Variants in FAM171B observed in about 807,000 individuals in gnomAD.
The protein encoded by FAM171B is protein FAM171B.
A neutral mutation model predicts 75.6 loss-of-function variants in FAM171B; 19 were observed. That is an observed-to-expected ratio of 0.25 (90% confidence interval 0.18 to 0.37). The LOEUF (loss-of-function observed/expected upper bound fraction) is 0.37. Among genes scored for constraint, FAM171B ranks in the 10% least tolerant of loss-of-function variants. The pLI is 1.00. For synonymous variants in FAM171B, 367 were observed against 361.7 expected (o/e 1.01, Z -0.17); for missense variants, 848 against 982.4 (o/e 0.86, Z 1.83).
Position 186,754,015 on chromosome 2 carries a change from G to A in FAM171B, c.978G>A (p.Gly326=). Residue 326 remains glycine (G), a synonymous_variant, in exon 6 of 8, where the codon GGG becomes GGA. Transcript: ENST00000304698. ...GGACATATGATGCACCACATTTGGG[G>A]TACTGGATAGCAGCTCCACTTCCAG... is the stretch of plus-strand genomic sequence containing the variant. ...LIWTYDAPHL[G]YWIAAPLPGT... 1 of 1,608,884 alleles carries A rather than the reference G, an allele frequency of 6.2e-7. No homozygotes were observed. The highest frequency in any genetic ancestry group is 8.5e-7 in the Non-Finnish European group (1 of 1,178,380).
Position 186,761,987 on chromosome 2 carries a change from T to A in FAM171B, c.1645T>A (p.Ser549Thr), listed in dbSNP as rs1200040455. The A allele has an allele frequency of 1.2e-6, 2 of 1,613,388 alleles. No individual in the cohort carries two copies. The highest frequency in any genetic ancestry group is 1.3e-5 in the African/African-American group (1 of 74,870). ...IAILQTSDLF[S>T]TPEQLHTAKS... ...CATCCTTCAAACATCTGACCTTTTCTCCACACCGGAACAATTACATACTGC... is the reference window on the plus strand; with the variant it reads ...CATCCTTCAAACATCTGACCTTTTCACCACACCGGAACAATTACATACTGC... The change falls in exon 8 of 8, where the codon TCC (serine) becomes ACC (threonine). Residue 549 changes from serine to threonine, a missense_variant. By Grantham distance (58) the Ser-to-Thr change is moderately conservative. Coordinates refer to ENST00000304698, the MANE Select transcript of FAM171B (RefSeq NM_177454.4).
intron 3 of FAM171B, 46 bp downstream of exon 3, chr2:186,743,621 G>A (rs767515720): frequency 5.1e-5 from 62 of 1,223,040 alleles, no homozygotes; most frequent in Admixed American, 1.4e-4. Context: ...AGTTATTGTC[G>A]TATAACTGTA....
At chr2:186,729,382 G>A (rs1690080184) in intron 1 of FAM171B, among the ~76,000 whole-genome samples, 1 of 152,024 alleles carries the variant, frequency 6.6e-6, no homozygotes, top group East Asian at 1.9e-4. Flanking sequence ...AGCACCTCCG[G>A]CTGAAAATCA....
At chr2:186,725,860 A>G (rs1185074145) in intron 1 of FAM171B, among the ~76,000 whole-genome samples, 3 of 152,238 alleles carry the variant, frequency 2.0e-5, no homozygotes, top group South Asian at 2.1e-4. Context: ...AAAACAAGTC[A>G]GGATGACAAA....
chr2:186,748,945 C>T (rs1690412001), intron 4 of FAM171B, among the ~76,000 whole-genome samples: 1 of 152,122 alleles, frequency 6.6e-6, no homozygotes, highest in Non-Finnish European at 1.5e-5. Context: ...TCACTAGATT[C>T]AGTGGGAAAG....
chr2:186,762,470 G>T lies in FAM171B; in HGVS notation c.2128G>T (p.Asp710Tyr). 2 of 1,613,570 alleles carry T rather than the reference G, an allele frequency of 1.2e-6. No homozygotes were observed. Among genetic ancestry groups the T allele is most frequent in the Non-Finnish European group, 1.7e-6 (2 of 1,179,762 alleles). The stretch of plus-strand genomic sequence containing the variant: ...TGACACCAGTCTGGACTCTGGGGTG[G>T]ACATGAATGAGCTTCACTCAAGTAG... ...SNDTSLDSGV[D>Y]MNELHSSRKL... The change falls in exon 8 of 8, where the codon GAC (aspartate) becomes TAC (tyrosine). Residue 710 changes from aspartate to tyrosine, a missense_variant. Coordinates refer to ENST00000304698, the MANE Select transcript of FAM171B (RefSeq NM_177454.4). This position sits in a 1 kb window ranked among gnomAD's most constrained non-coding sequence, Gnocchi z 4.0.
intron 1 of FAM171B, among the ~76,000 whole-genome samples, chr2:186,703,435 A>G (rs1439735349): frequency 3.9e-5 from 6 of 152,218 alleles, no homozygotes; most frequent in Non-Finnish European, 7.3e-5. Context: ...AGCTCCGAAC[A>G]CATTATAAAA....
intron 1 of FAM171B, among the ~76,000 whole-genome samples, chr2:186,696,995 AATGGATGG>A (rs776357355): frequency 1.0e-5 from 1 of 99,236 alleles, no homozygotes; most frequent in Admixed American, 9.3e-5. Flanking sequence ...CCATTTGTTG[AATGGATGG>A]ACGGATGGAT....
At chr2:186,744,641 C>T (rs922082131) in intron 3 of FAM171B, among the ~76,000 whole-genome samples, 6 of 152,110 alleles carry the variant, frequency 3.9e-5, no homozygotes, top group African/African-American at 1.4e-4. Flanking sequence ...GATTTTCTTG[C>T]CTCAGCCTCC....
intron 1 of FAM171B, among the ~76,000 whole-genome samples, chr2:186,720,868 A>G (rs187532092): frequency 6.6e-6 from 1 of 152,310 alleles, no homozygotes; most frequent in Non-Finnish European, 1.5e-5. Context: ...AAATAATAAT[A>G]GTAACTATCA....
chr2:186,730,845 T>C (rs1453166459), intron 1 of FAM171B, among the ~76,000 whole-genome samples: 1 of 152,178 alleles, frequency 6.6e-6, no homozygotes, highest in Non-Finnish European at 1.5e-5. Flanking sequence ...GTTTTTTTTT[T>C]CTTTTGCGAA....
chr2:186,743,645 A>G (rs994229225), intron 3 of FAM171B, 70 bp downstream of exon 3: 1 of 1,029,432 alleles, frequency 9.7e-7, no homozygotes, highest in Admixed American at 1.9e-5. Context: ...CTTCACTAAG[A>G]ATCAGTGTGA....
intron 1 of FAM171B, among the ~76,000 whole-genome samples, chr2:186,738,630 T>A (rs1690239996): frequency 6.6e-6 from 1 of 152,152 alleles, no homozygotes; most frequent in Non-Finnish European, 1.5e-5. Context: ...GGTTTCAGGC[T>A]TTCTTTGGCT....
rs965824955 is a variant in FAM171B, at chr2:186,747,719, CTG to C, written c.724+473_724+474del. On this transcript the variant is annotated intron_variant, in intron 4 of 7. Transcript: ENST00000304698. ...AGCTATTGTAAATATTTGCTATTCTCTGTGTAAAATATAAATATTGAAAATAT... is the reference window on the plus strand; with the variant it reads ...AGCTATTGTAAATATTTGCTATTCTCTGTAAAATATAAATATTGAAAATAT... 8.6e-5 allele frequency among the ~76,000 whole-genome samples: 13 copies of C among 151,940 alleles called. 1 individual carries two copies. The highest frequency in any genetic ancestry group is 3.1e-4 in the African/African-American group (13 of 41,420).
chr2:186,736,567 G>GTGTGT (rs55683607), intron 1 of FAM171B, among the ~76,000 whole-genome samples: 6 of 104,590 alleles, frequency 5.7e-5, no homozygotes, highest in African/African-American at 1.0e-4. Flanking sequence ...TGTGTGTGTG[G>GTGTGT]GAGAGAGAGA....
At position 186,762,641 on chromosome 2, in the gene FAM171B, G is replaced by A. The variant is rs1478667553; in HGVS notation, c.2299G>A (p.Gly767Arg). Residue 767 changes from glycine (G) to arginine (R), a missense_variant, in exon 8 of 8, where the codon GGG becomes AGG. Gly to Arg is a moderately radical substitution (Grantham distance 125). This residue lies in a region of FAM171B where 136 missense variants were observed against 159.3 expected (regional missense o/e 0.85). Coordinates refer to ENST00000304698, the MANE Select transcript of FAM171B (RefSeq NM_177454.4). The surrounding 1 kb of genome is among the most constrained non-coding windows in gnomAD (Gnocchi z 4.0). Reference protein sequence around the residue: ...DPALRHILDGGSGVIMEHPGE... With the variant: ...DPALRHILDGRSGVIMEHPGE... ...AGCTTTAAGGCACATCCTAGATGGA[G>A]GGAGTGGAGTGATCATGGAGCACCC... The A allele has an allele frequency of 1.2e-6, 2 of 1,613,232 alleles. No homozygotes were observed. The highest frequency in any genetic ancestry group is 1.7e-6 in the Non-Finnish European group (2 of 1,179,664).
At chr2:186,754,334 CAGTT>C (rs1690498769) in intron 6 of FAM171B, among the ~76,000 whole-genome samples, 1 of 152,136 alleles carries the variant, frequency 6.6e-6, no homozygotes, top group Non-Finnish European at 1.5e-5. Flanking sequence ...CTGCCCAAAT[CAGTT>C]AGAGCTTTTG....
intron 1 of FAM171B, among the ~76,000 whole-genome samples, chr2:186,714,734 G>T (rs912754655): frequency 6.6e-6 from 1 of 152,184 alleles, no homozygotes; most frequent in Admixed American, 6.5e-5. Context: ...CTAATGGCAG[G>T]AAGGCATCAC....
chr2:186,708,467 G>A (rs768981560), intron 1 of FAM171B, among the ~76,000 whole-genome samples: 17 of 151,978 alleles, frequency 1.1e-4, no homozygotes, highest in African/African-American at 4.1e-4. Context: ...AGAACACTCA[G>A]TTGAGACATA....
Sources: allele counts gnomAD v4.1 joint callset (sites outside exome capture counted in the v4.1 genomes callset), GRCh38; gene constraint gnomAD v4.1.1; regional missense constraint gnomAD v4.1.1; non-coding constraint Gnocchi (gnomAD v3.1); transcripts MANE v1.5; gene names NCBI Gene and HGNC (gene_info 2026-07-23, HGNC 2026-07-21).